Variants in PCDHGB3 observed in about 807,000 individuals in gnomAD.
PCDHGB3 encodes the protein protocadherin gamma-B3.
Under a neutral mutation model 59.2 loss-of-function variants are expected in PCDHGB3, and 40 were observed. That is an observed-to-expected ratio of 0.68 (90% confidence interval 0.52 to 0.88). The LOEUF (loss-of-function observed/expected upper bound fraction) is 0.88, where lower values mean the gene tolerates loss of function less well. PCDHGB3 is among the 40% of genes least tolerant of loss of function. The pLI, the probability that PCDHGB3 is intolerant of heterozygous loss-of-function variation, is 0.00. For missense variants in PCDHGB3, 1,309 were observed against 1,187.9 expected (o/e 1.10, Z -1.50); for synonymous variants, 581 against 503.6 (o/e 1.15, Z -2.06).
intron 1 of PCDHGB3, among the ~76,000 whole-genome samples, chr5:141,492,206 G>T (rs1180294159): frequency 6.6e-6 from 1 of 152,204 alleles, no homozygotes; most frequent in African/African-American, 2.4e-5. Context: ...TTAGGTGTGC[G>T]CGCGGGGCTC....
At chr5:141,408,556 T>G (rs1215804867) in intron 1 of PCDHGB3, 1 of 1,613,940 alleles carries the variant, frequency 6.2e-7, no homozygotes, top group Non-Finnish European at 8.5e-7. Context: ...ATATTTTTCA[T>G]GTCATTGTGG....
At position 141,434,771 on chromosome 5, in the gene PCDHGB3, TA is replaced by T. The variant is rs36031641; in HGVS notation, c.2416-60023del. On this transcript the variant is annotated intron_variant, in intron 1 of 3. Transcript: ENST00000576222. ...CCCCTGATTCCCCACTTCACACTTC[TA>T]AAAAAAAAAAAATTTTTTTTTCTGA... 2.5e-3 allele frequency among the ~76,000 whole-genome samples: 362 copies of T among 145,286 alleles called. 1 individual carries two copies. The highest frequency in any genetic ancestry group is 0.011 in the Middle Eastern group (3 of 280).
At chr5:141,399,579 C>CT (rs1419885738) in intron 1 of PCDHGB3, 1 of 1,614,026 alleles carries the variant, frequency 6.2e-7, no homozygotes, top group African/African-American at 1.3e-5. Context: ...GCCAAGTCTC[C>CT]TACTCTATCA....
Position 141,403,164 on chromosome 5 carries a change from G to A in PCDHGB3, c.2415+30355G>A, listed in dbSNP as rs11575960. The A allele has an allele frequency of 4.9e-3, 7,986 of 1,614,050 alleles. 45 individuals are homozygous for A. Among genetic ancestry groups the A allele is most frequent in the Admixed American group, 9.4e-3 (567 of 60,028 alleles). The stretch of plus-strand genomic sequence containing the variant: ...CGAGTCCGCATCGTCTCTAGAGGTA[G>A]GACGCAGCTTTTCTCTCTGAACCCG... On this transcript the variant is annotated intron_variant, in intron 1 of 3. Coordinates refer to ENST00000576222, the MANE Select transcript of PCDHGB3 (RefSeq NM_018924.5).
Position 141,395,354 on chromosome 5 carries a change from T to A in PCDHGB3, c.2415+22545T>A, listed in dbSNP as rs375237289. ...ATAATTTTTAAGGTGTATCACAGAG[T>A]TTTGGGTTTATTTTGGTGGTGTTAC... On this transcript the variant is annotated intron_variant, in intron 1 of 3. Coordinates refer to ENST00000576222, the MANE Select transcript of PCDHGB3 (RefSeq NM_018924.5). 28 of 1,357,052 alleles carry A rather than the reference T, an allele frequency of 2.1e-5. No homozygotes were observed. The Middle Eastern group carries it at 1.0e-3, about 51-fold the overall frequency. 84.1% of individuals were successfully genotyped at this position (1,357,052 alleles called of 1,614,324 possible).
intron 1 of PCDHGB3, among the ~76,000 whole-genome samples, chr5:141,472,346 C>G (rs1393301393): frequency 6.6e-6 from 1 of 151,722 alleles, no homozygotes; most frequent in Non-Finnish European, 1.5e-5. Flanking sequence ...TCGAGACCAT[C>G]CTGGCTAACA....
intron 1 of PCDHGB3, among the ~76,000 whole-genome samples, chr5:141,472,352 T>G (rs1364883510): frequency 6.6e-6 from 1 of 151,718 alleles, no homozygotes; most frequent in Non-Finnish European, 1.5e-5. Context: ...CCATCCTGGC[T>G]AACACGGTGA....
Position 141,383,322 on chromosome 5 carries a change from A to G in PCDHGB3, c.2415+10513A>G, listed in dbSNP as rs369432251. 6.8e-6 allele frequency: 11 copies of G among 1,613,876 alleles called. No homozygotes were observed. The African/African-American group carries it at 1.3e-4, about 20-fold the overall frequency. ...TCTTGACGGAAGAAATAAATGTAAA[A>G]ATAATGGAGAATACAGCTCCTGGGG... is the stretch of plus-strand genomic sequence containing the variant. On this transcript the variant is annotated intron_variant, in intron 1 of 3. Coordinates refer to ENST00000576222, the MANE Select transcript of PCDHGB3 (RefSeq NM_018924.5).
chr5:141,510,814 CT>C, intron 3 of PCDHGB3, 132 bp from the exon 4 acceptor site: 1 of 1,544,688 alleles, frequency 6.5e-7, no homozygotes, highest in Non-Finnish European at 8.8e-7. Context: ...TTGGTGACCC[CT>C]ATATTCCCAG....
rs531855306 is a variant in PCDHGB3 at position 141,422,110 on chromosome 5, T to C, written c.2415+49301T>C. 230 of 1,606,626 alleles carry C rather than the reference T, an allele frequency of 1.4e-4. 6 individuals carry two copies. The South Asian group carries it at 2.5e-3, about 17-fold the overall frequency. On this transcript the variant is annotated intron_variant, in intron 1 of 3. Coordinates refer to ENST00000576222, the MANE Select transcript of PCDHGB3 (RefSeq NM_018924.5). The stretch of plus-strand genomic sequence containing the variant: ...AAGCAAGGCTTCTGAAATATTCCAA[T>C]TGGATTCACAAACTGGAGAAGTTCA...
chr5:141,444,893 G>T (rs1238224263), intron 1 of PCDHGB3, among the ~76,000 whole-genome samples: 1 of 152,160 alleles, frequency 6.6e-6, no homozygotes, highest in Admixed American at 6.5e-5. Flanking sequence ...TTTTGAATGG[G>T]ATGGCATTGC....
chr5:141,490,322 A>C lies in PCDHGB3; in HGVS notation c.2416-4485A>C. ...GCCTCTTTGGCCAACCCTGTCCTAGAGAGCACACCAGTGGGCACAGTAGTG... is the reference window on the plus strand; with the variant it reads ...GCCTCTTTGGCCAACCCTGTCCTAGCGAGCACACCAGTGGGCACAGTAGTG... On this transcript the variant is annotated intron_variant, in intron 1 of 3. Coordinates refer to ENST00000576222, the MANE Select transcript of PCDHGB3 (RefSeq NM_018924.5). This position sits in a 1 kb window ranked among gnomAD's most constrained non-coding sequence, Gnocchi z 5.4. The C allele has an allele frequency of 6.2e-7, 1 of 1,614,232 alleles. No individual in the cohort carries two copies. Among genetic ancestry groups the C allele is most frequent in the Non-Finnish European group, 8.5e-7 (1 of 1,180,038 alleles).
At chr5:141,499,689 CTTT>C (rs545067566) in intron 2 of PCDHGB3, among the ~76,000 whole-genome samples, 2 of 119,848 alleles carry the variant, frequency 1.7e-5, no homozygotes, top group African/African-American at 3.1e-5. Context: ...TAACAGATGA[CTTT>C]TTTTTTTTTT....
intron 1 of PCDHGB3, among the ~76,000 whole-genome samples, chr5:141,434,982 A>G (rs908716553): frequency 3.3e-5 from 5 of 152,084 alleles, no homozygotes; most frequent in East Asian, 1.9e-4. Flanking sequence ...TTAATACTCT[A>G]TATCATTTTC....
intron 1 of PCDHGB3, chr5:141,393,859 T>A (rs1348760722): frequency 1.9e-6 from 3 of 1,613,994 alleles, no homozygotes; most frequent in Non-Finnish European, 2.5e-6. Flanking sequence ...GAAGTGATCA[T>A]TACGTCTTTG....
chr5:141,409,541 G>C lies in PCDHGB3; in HGVS notation c.2415+36732G>C, dbSNP rs1485327824. ...CACCTTGTATGTCGCTGACATCAAC[G>C]ACAACGCCCCAGTTTTCGACCAGAC... On this transcript the variant is annotated intron_variant, in intron 1 of 3. Coordinates refer to ENST00000576222, the MANE Select transcript of PCDHGB3 (RefSeq NM_018924.5). 16 of 1,613,852 alleles carry C rather than the reference G, an allele frequency of 9.9e-6. No homozygotes were observed. Among genetic ancestry groups the C allele is most frequent in the Admixed American group, 1.7e-5 (1 of 60,016 alleles).
At chr5:141,475,910 G>A in intron 1 of PCDHGB3, 1 of 588,414 alleles carries the variant, frequency 1.7e-6, no homozygotes, top group South Asian at 2.3e-5. Context: ...GTCGGCCAAT[G>A]AAGACGCTGG....
At chr5:141,414,148 G>C in intron 1 of PCDHGB3, 7 of 1,598,900 alleles carry the variant, frequency 4.4e-6, no homozygotes, top group Non-Finnish European at 6.0e-6. Flanking sequence ...AGAAATACAA[G>C]CAGAAGATGG....
intron 1 of PCDHGB3, chr5:141,399,082 G>A: frequency 6.2e-7 from 1 of 1,613,822 alleles, no homozygotes; most frequent in East Asian, 2.2e-5. Flanking sequence ...AGAAGGGAGG[G>A]ATGGTGGTGG....
Sources: gnomAD v4.1 joint callset for allele counts (sites outside exome capture counted in the v4.1 genomes callset) on GRCh38, gnomAD v4.1.1 for gene constraint, Gnocchi (gnomAD v3.1) non-coding constraint, MANE v1.5 for transcripts, NCBI Gene and HGNC (gene_info 2026-07-23, HGNC 2026-07-21) for gene names.